The following SNX22 variants were observed in gnomAD, a reference collection of about 807,000 sequenced individuals.
The protein encoded by SNX22 is sorting nexin 22, also known as sorting nexin-22.
Under a neutral mutation model 24.7 loss-of-function variants are expected in SNX22, and 23 were observed. The observed-to-expected ratio is 0.93, with a 90% CI of 0.67 to 1.32. SNX22 has a LOEUF of 1.32. Among genes scored for constraint, SNX22 ranks in the 40% most tolerant of loss-of-function variants. The pLI, the probability that SNX22 is intolerant of heterozygous loss-of-function variation, is 0.00. For synonymous variants in SNX22, 99 were observed against 104.0 expected (o/e 0.95, Z 0.29); for missense variants, 261 against 249.9 (o/e 1.04, Z -0.30).
chr15:64,157,075 C>A lies in SNX22; in HGVS notation c.*2567C>A. ...CCTTCCTATCTTCTGGCCTCAGAGCCAAGCCATGCTGACTGAGGCCAAGTG... is the reference window on the plus strand; with the variant it reads ...CCTTCCTATCTTCTGGCCTCAGAGCAAAGCCATGCTGACTGAGGCCAAGTG... On this transcript the variant is annotated 3_prime_UTR_variant, in exon 7 of 7. Transcript: ENST00000325881. This position sits in a 1 kb window ranked among gnomAD's most constrained non-coding sequence, Gnocchi z 4.2. 2.7e-6 allele frequency: 2 copies of A among 741,112 alleles called. No homozygotes were observed. The highest frequency in any genetic ancestry group is 2.2e-6 in the Non-Finnish European group (1 of 461,754). The allele number at this position is 741,112 out of a possible 1,614,324, so 45.9% of individuals were successfully genotyped here.
chr15:64,153,702 C>G lies in SNX22; in HGVS notation c.392+18C>G, dbSNP rs763100807. The G allele has an allele frequency of 1.2e-6, 2 of 1,614,078 alleles. No individual in the cohort carries two copies. Among genetic ancestry groups the G allele is most frequent in the South Asian group, 1.1e-5 (1 of 91,088 alleles). On this transcript the variant is annotated intron_variant, in intron 5 of 6. Transcript: ENST00000325881. ...GACAGCAGGCAAGTCAAAGCCCTAG[C>G]CCGCGCTTGGCCCCTGCTGCCCCCT...
chr15:64,153,798 C>G lies in SNX22; in HGVS notation c.392+114C>G, dbSNP rs1199262455. 17 of 1,596,080 alleles carry G rather than the reference C, an allele frequency of 1.1e-5. No individual in the cohort carries two copies. The Admixed American group carries it at 1.9e-4, about 17-fold the overall frequency. On this transcript the variant is annotated intron_variant, in intron 5 of 6. Coordinates refer to ENST00000325881, the MANE Select transcript of SNX22 (RefSeq NM_024798.3). Reference sequence around the variant, plus strand: ...GCCTGGGCCCTGAAGTCTGTTTTCCCTTTGGTGCCTCCTGAGCCCATTTCC... The same window carrying G: ...GCCTGGGCCCTGAAGTCTGTTTTCCGTTTGGTGCCTCCTGAGCCCATTTCC...
At position 64,151,781 on chromosome 15, in the gene SNX22, G is replaced by A. The variant is rs1434536783; in HGVS notation, c.6G>A (p.Leu2=). Residue 2 remains leucine, a synonymous_variant, in exon 1 of 7, where the codon CTG becomes CTA. Transcript: ENST00000325881. M[L]EVHIPSVGPE... ...CAGCTGGGGCCGGGGCGCGGATGCT[G>A]GAAGTTCACATCCCGTCGGTGGGGC... 4 of 1,536,356 alleles carry A rather than the reference G, an allele frequency of 2.6e-6. No homozygotes were observed. The Admixed American group carries it at 8.0e-5, about 31-fold the overall frequency.
At chr15:64,152,000 T>G in intron 1 of SNX22, 150 bp downstream of exon 1, 1 of 878,148 alleles carries the variant, frequency 1.1e-6, no homozygotes, top group Non-Finnish European at 1.6e-6. Flanking sequence ...TGGGGGCCGC[T>G]TGGATTTGCC....
At position 64,155,969 on chromosome 15, in the gene SNX22, G is replaced by A; in HGVS notation, c.*1461G>A. Reference sequence around the variant, plus strand: ...GGGCCAGTGCAGCTCAGAGCCCTGTGGCGGACTACAGGGCCTGCACAGACG... The same window carrying A: ...GGGCCAGTGCAGCTCAGAGCCCTGTAGCGGACTACAGGGCCTGCACAGACG... On this transcript the variant is annotated 3_prime_UTR_variant, in exon 7 of 7. Coordinates refer to ENST00000325881, the MANE Select transcript of SNX22 (RefSeq NM_024798.3). 6.2e-7 allele frequency: 1 copy of A among 1,612,938 alleles called. No homozygotes were observed. The highest frequency in any genetic ancestry group is 8.5e-7 in the Non-Finnish European group (1 of 1,179,500).
In SNX22 at chr15:64,155,917, G is replaced by A; in HGVS notation, c.*1409G>A. ...GGGCCTGTGGAATGTGAGGGGAGTGGGTCCGCTCCACCAGATGCCAGCACC... is the reference window on the plus strand; with the variant it reads ...GGGCCTGTGGAATGTGAGGGGAGTGAGTCCGCTCCACCAGATGCCAGCACC... On this transcript the variant is annotated 3_prime_UTR_variant, in exon 7 of 7. Coordinates refer to ENST00000325881, the MANE Select transcript of SNX22 (RefSeq NM_024798.3). 1 of 1,552,292 alleles carries A rather than the reference G, an allele frequency of 6.4e-7. No homozygotes were observed. Among genetic ancestry groups the A allele is most frequent in the Non-Finnish European group, 8.8e-7 (1 of 1,131,072 alleles).
At chr15:64,152,027 G>C in intron 1 of SNX22, 177 bp downstream of exon 1, 1 of 782,312 alleles carries the variant, frequency 1.3e-6, no homozygotes, top group Non-Finnish European at 1.9e-6. Flanking sequence ...GCGGACCATG[G>C]TTCGAGCTCT....
In SNX22 at chr15:64,157,121, G is replaced by A. The variant is rs2081539238; in HGVS notation, c.*2613G>A. On this transcript the variant is annotated 3_prime_UTR_variant, in exon 7 of 7. Coordinates refer to ENST00000325881, the MANE Select transcript of SNX22 (RefSeq NM_024798.3). This position sits in a 1 kb window ranked among gnomAD's most constrained non-coding sequence, Gnocchi z 4.2. Reference sequence around the variant, plus strand: ...AAGTGGGGCATCAGGCCAGGCTGATGTGGTGAACAGCTCACAGAAGGATTA... The same window carrying A: ...AAGTGGGGCATCAGGCCAGGCTGATATGGTGAACAGCTCACAGAAGGATTA... 1 of 599,298 alleles carries A rather than the reference G, an allele frequency of 1.7e-6. No individual in the cohort carries two copies. Among genetic ancestry groups the A allele is most frequent in the Middle Eastern group, 4.4e-4 (1 of 2,266 alleles). 37.1% of individuals were successfully genotyped at this position (599,298 alleles called of 1,614,324 possible).
chr15:64,156,957 C>G lies in SNX22; in HGVS notation c.*2449C>G. On this transcript the variant is annotated 3_prime_UTR_variant, in exon 7 of 7. Coordinates refer to ENST00000325881, the MANE Select transcript of SNX22 (RefSeq NM_024798.3). This position sits in a 1 kb window ranked among gnomAD's most constrained non-coding sequence, Gnocchi z 6.4. ...TCAGGGGCGCTGGATTGCGCCAAACCAAGCAGACATTCGGGGCCAGGACTG... is the reference window on the plus strand; with the variant it reads ...TCAGGGGCGCTGGATTGCGCCAAACGAAGCAGACATTCGGGGCCAGGACTG... 2 of 1,590,326 alleles carry G rather than the reference C, an allele frequency of 1.3e-6. No individual in the cohort carries two copies. Among genetic ancestry groups the G allele is most frequent in the Non-Finnish European group, 1.7e-6 (2 of 1,160,050 alleles).
chr15:64,154,680 G>A lies in SNX22; in HGVS notation c.*172G>A. 1 of 812,084 alleles carries A rather than the reference G, an allele frequency of 1.2e-6. No individual in the cohort carries two copies. The highest frequency in any genetic ancestry group is 1.9e-6 in the Non-Finnish European group (1 of 522,558). The allele number at this position is 812,084 out of a possible 1,614,324, so 50.3% of individuals were successfully genotyped here. A position where few individuals can be genotyped will look rare whatever the true frequency, so the allele number is the denominator to read the frequency against. On this transcript the variant is annotated 3_prime_UTR_variant, in exon 7 of 7. Transcript: ENST00000325881. ...AACTTGGCTCGCATTGGTAGCTGGAGGTGGTAGAATTTGTATGCTCTTAGA... is the reference window on the plus strand; with the variant it reads ...AACTTGGCTCGCATTGGTAGCTGGAAGTGGTAGAATTTGTATGCTCTTAGA...
Position 64,156,327 on chromosome 15 carries a change from AG to A in SNX22, c.*1824del, listed in dbSNP as rs1263620002. Reference sequence around the variant, plus strand: ...GAGCAGGGAGAATGCAGATTTGACGAGGGGGTACAGGAATTTTGTTCCTTTG... The same window carrying A: ...GAGCAGGGAGAATGCAGATTTGACGAGGGGTACAGGAATTTTGTTCCTTTG... On this transcript the variant is annotated 3_prime_UTR_variant, in exon 7 of 7. Transcript: ENST00000325881. This position sits in a 1 kb window ranked among gnomAD's most constrained non-coding sequence, Gnocchi z 6.4. The A allele has an allele frequency of 4.9e-6, 4 of 824,206 alleles. No individual in the cohort carries two copies. The highest frequency in any genetic ancestry group is 5.3e-5 in the East Asian group (2 of 37,416). The allele number at this position is 824,206 out of a possible 1,614,324, so 51.1% of individuals were successfully genotyped here.
Position 64,153,257 on chromosome 15 carries a change from C to G in SNX22, c.277C>G (p.Leu93Val). 2 of 1,614,188 alleles carry G rather than the reference C, an allele frequency of 1.2e-6. No individual in the cohort carries two copies. Among genetic ancestry groups the G allele is most frequent in the Non-Finnish European group, 1.7e-6 (2 of 1,180,014 alleles). ...CTGTCCTCTCCAGGGCATCCTGTAC[C>G]TGAACCAGGAGGTGCCCAAGGAGTT... ...LEAYIQGILY[L>V]NQEVPKELLE... Residue 93 changes from leucine (L) to valine (V), a missense_variant, in exon 4 of 7, where the codon CTG becomes GTG. Transcript: ENST00000325881.
At position 64,151,768 on chromosome 15, in the gene SNX22, G is replaced by A. The variant is rs1211102965; in HGVS notation, c.-8G>A. On this transcript the variant is annotated 5_prime_UTR_variant, in exon 1 of 7. Coordinates refer to ENST00000325881, the MANE Select transcript of SNX22 (RefSeq NM_024798.3). ...CGAGCGCGCGGAGCAGCTGGGGCCG[G>A]GGCGCGGATGCTGGAAGTTCACATC... The A allele has an allele frequency of 2.6e-6, 4 of 1,533,796 alleles. No homozygotes were observed. In the South Asian group the frequency reaches 3.7e-5, roughly 14 times the overall value.
In SNX22 at chr15:64,152,249, C is replaced by A; in HGVS notation, c.82C>A (p.Arg28=). 7.1e-7 allele frequency: 1 copy of A among 1,416,176 alleles called. No individual in the cohort carries two copies. The highest frequency in any genetic ancestry group is 9.1e-7 in the Non-Finnish European group (1 of 1,095,216). The allele number at this position is 1,416,176 out of a possible 1,614,324, so 87.7% of individuals were successfully genotyped here. The change falls in exon 2 of 7, where the codon CGA becomes AGA. Residue 28 remains arginine, a synonymous_variant. Transcript: ENST00000325881. ...QSPEKSHMVF[R]VEVLCSGRRH... Reference sequence around the variant, plus strand: ...TGCCCGCCCGCGCCGCCAGGTGTTCCGAGTGGAGGTGCTGTGCAGCGGGCG... The same window carrying A: ...TGCCCGCCCGCGCCGCCAGGTGTTCAGAGTGGAGGTGCTGTGCAGCGGGCG...
At chr15:64,152,765 G>T in intron 3 of SNX22, 23 bp downstream of exon 3, 1 of 1,607,950 alleles carries the variant, frequency 6.2e-7, no homozygotes, top group Non-Finnish European at 8.5e-7. Context: ...ACAGTTGGTT[G>T]CCCCCCGGCC....
chr15:64,157,091 A>C lies in SNX22; in HGVS notation c.*2583A>C. ...CCTCAGAGCCAAGCCATGCTGACTG[A>C]GGCCAAGTGGGGCATCAGGCCAGGC... On this transcript the variant is annotated 3_prime_UTR_variant, in exon 7 of 7. Coordinates refer to ENST00000325881, the MANE Select transcript of SNX22 (RefSeq NM_024798.3). This position sits in a 1 kb window ranked among gnomAD's most constrained non-coding sequence, Gnocchi z 4.2. 1.5e-6 allele frequency: 1 copy of C among 646,776 alleles called. No homozygotes were observed. Among genetic ancestry groups the C allele is most frequent in the Non-Finnish European group, 2.6e-6 (1 of 378,022 alleles). The allele number at this position is 646,776 out of a possible 1,614,324, so 40.1% of individuals were successfully genotyped here. A position where few individuals can be genotyped will look rare whatever the true frequency, so the allele number is the denominator to read the frequency against.
Position 64,156,639 on chromosome 15 carries a change from A to ATGGACACATGGAGCTCC in SNX22, c.*2134_*2150dup. 6.6e-7 allele frequency: 1 copy of ATGGACACATGGAGCTCC among 1,524,580 alleles called. No individual in the cohort carries two copies. The highest frequency in any genetic ancestry group is 9.1e-7 in the Non-Finnish European group (1 of 1,098,956). The allele number at this position is 1,524,580 out of a possible 1,614,324, so 94.4% of individuals were successfully genotyped here. On this transcript the variant is annotated 3_prime_UTR_variant, in exon 7 of 7. Coordinates refer to ENST00000325881, the MANE Select transcript of SNX22 (RefSeq NM_024798.3). The surrounding 1 kb of genome is among the most constrained non-coding windows in gnomAD (Gnocchi z 6.4). Reference sequence around the variant, plus strand: ...TGGGTTGGGTCCTTTTGGGAAAGGGATGGACACATGGAGCTCCTGCCCTGG... The same window carrying ATGGACACATGGAGCTCC: ...TGGGTTGGGTCCTTTTGGGAAAGGGATGGACACATGGAGCTCCTGGACACATGGAGCTCCTGCCCTGG...
chr15:64,152,497 G>T (rs1343421969), intron 2 of SNX22, 141 bp from the exon 3 acceptor site: 1 of 1,201,280 alleles, frequency 8.3e-7, no homozygotes, highest in South Asian at 1.3e-5. Flanking sequence ...GGCCTTCCTC[G>T]CCCTCGGCCG....
At chr15:64,152,516 C>T in intron 2 of SNX22, 122 bp from the exon 3 acceptor site, 2 of 1,240,048 alleles carry the variant, frequency 1.6e-6, no homozygotes, top group Non-Finnish European at 2.3e-6. Context: ...CGGTCCACCA[C>T]TCACCAGGGT....
Sources: gnomAD v4.1 joint callset for allele counts on GRCh38, gnomAD v4.1.1 for gene constraint, Gnocchi (gnomAD v3.1) non-coding constraint, MANE v1.5 for transcripts, NCBI Gene and HGNC (gene_info 2026-07-23, HGNC 2026-07-21) for gene names.